KAZN: variants seen among roughly 807,000 people sequenced by gnomAD.
KAZN encodes kazrin, periplakin interacting protein.
A neutral mutation model predicts 87.4 loss-of-function variants in KAZN; 40 were observed. That is an observed-to-expected ratio of 0.46 (90% CI 0.36 to 0.60). The LOEUF (loss-of-function observed/expected upper bound fraction) is 0.60. KAZN is among the 20% of genes least tolerant of loss of function. The pLI, the probability that KAZN is intolerant of heterozygous loss-of-function variation, is 0.00. For synonymous variants in KAZN, 466 were observed against 458.3 expected (o/e 1.02, Z -0.22); for missense variants, 898 against 1,073.9 (o/e 0.84, Z 2.29).
chr1:14,241,216 A>G (rs376125653), intron 2 of KAZN, among the ~76,000 whole-genome samples: 9 of 152,300 alleles, frequency 5.9e-5, no homozygotes, highest in African/African-American at 1.7e-4. Flanking sequence ...ACAGAAAGCT[A>G]CACCTGAGAG....
chr1:15,082,135 C>T (rs1323573233), intron 8 of KAZN, among the ~76,000 whole-genome samples: 1 of 152,006 alleles, frequency 6.6e-6, no homozygotes, highest in Admixed American at 6.6e-5. Flanking sequence ...CTCAACTCTG[C>T]CTCAGTGGCA....
At chr1:14,692,046 G>A (rs1641345278) in intron 1 of KAZN, 1 of 200,196 alleles carries the variant, frequency 5.0e-6, no homozygotes, top group Admixed American at 7.1e-5. Flanking sequence ...CACAGTAGTG[G>A]TAAAAAAAAA....
chr1:14,940,218 G>A (rs995378315), intron 1 of KAZN, among the ~76,000 whole-genome samples: 6 of 152,184 alleles, frequency 3.9e-5, no homozygotes, highest in African/African-American at 1.4e-4. Context: ...AAGACAGATT[G>A]ACTCATAATG....
At chr1:14,538,831 C>T (rs543125267) in intron 2 of KAZN, among the ~76,000 whole-genome samples, 2 of 152,216 alleles carry the variant, frequency 1.3e-5, no homozygotes, top group South Asian at 4.1e-4. Flanking sequence ...GAATGATAGC[C>T]CAGATATTTA....
chr1:14,142,888 C>G (rs753711885), intron 1 of KAZN, among the ~76,000 whole-genome samples: 1 of 152,190 alleles, frequency 6.6e-6, no homozygotes, highest in Non-Finnish European at 1.5e-5. Context: ...TTTTCATGCC[C>G]TTGGTGAGAT....
chr1:14,113,054 C>G (rs947208894), intron 1 of KAZN, among the ~76,000 whole-genome samples: 2 of 152,184 alleles, frequency 1.3e-5, no homozygotes, highest in African/African-American at 4.8e-5. Context: ...AGTTTCTTCA[C>G]TTTTTCAATG....
chr1:14,714,450 C>G (rs1308925840), intron 1 of KAZN, among the ~76,000 whole-genome samples: 1 of 152,252 alleles, frequency 6.6e-6, no homozygotes, highest in Non-Finnish European at 1.5e-5. Context: ...TGCATGGCCT[C>G]CTGGTCTACC....
chr1:15,092,377 T>C (rs1640591352), intron 8 of KAZN, among the ~76,000 whole-genome samples: 1 of 152,134 alleles, frequency 6.6e-6, no homozygotes, highest in Non-Finnish European at 1.5e-5. Flanking sequence ...GCCCAGCCAG[T>C]CAGAGTTATA....
chr1:14,462,648 A>G (rs1398800575), intron 2 of KAZN, among the ~76,000 whole-genome samples: 2 of 152,182 alleles, frequency 1.3e-5, no homozygotes, highest in Non-Finnish European at 2.9e-5. Flanking sequence ...CCAATTTCAC[A>G]TGGCTGGAGA....
chr1:14,286,941 G>A (rs1328438164), intron 2 of KAZN, among the ~76,000 whole-genome samples: 1 of 152,168 alleles, frequency 6.6e-6, no homozygotes, highest in African/African-American at 2.4e-5. Context: ...TGTGTGGGGA[G>A]AGGAGCCTAT....
chr1:14,987,288 T>C (rs1666917046), intron 2 of KAZN, among the ~76,000 whole-genome samples: 1 of 151,752 alleles, frequency 6.6e-6, no homozygotes, highest in African/African-American at 2.4e-5. Flanking sequence ...AGGTCAGGAG[T>C]TCGAGACCAG....
At chr1:14,452,008 C>T (rs571067581) in intron 2 of KAZN, among the ~76,000 whole-genome samples, 22 of 152,294 alleles carry the variant, frequency 1.4e-4, no homozygotes, top group Non-Finnish European at 2.9e-4. Flanking sequence ...GGCTCCGTCC[C>T]GGCCCACTGC....
At chr1:14,055,363 A>G (rs1642503859) in intron 1 of KAZN, among the ~76,000 whole-genome samples, 1 of 152,216 alleles carries the variant, frequency 6.6e-6, no homozygotes, top group Non-Finnish European at 1.5e-5. Flanking sequence ...ATGATTTAGA[A>G]TAGACCCAGA....
At chr1:14,488,756 C>T (rs1669485001) in intron 2 of KAZN, among the ~76,000 whole-genome samples, 1 of 152,174 alleles carries the variant, frequency 6.6e-6, no homozygotes, top group African/African-American at 2.4e-5. Context: ...CTGAGAAGTG[C>T]AAGAAAGTTT....
intron 1 of KAZN, among the ~76,000 whole-genome samples, chr1:13,906,390 C>T (rs563459674): frequency 1.3e-5 from 2 of 152,230 alleles, no homozygotes; most frequent in East Asian, 1.9e-4. Context: ...GGGCGGGCTT[C>T]GTTTTCGGAG....
At chr1:14,514,617 A>ATTTTT (rs1557770547) in intron 2 of KAZN, among the ~76,000 whole-genome samples, 95 of 48,290 alleles carry the variant, frequency 2.0e-3, no homozygotes, top group African/African-American at 7.3e-3. Context: ...ATATATATAT[A>ATTTTT]TATATATATA....
chr1:14,429,462 A>G (rs771817928), intron 2 of KAZN, among the ~76,000 whole-genome samples: 2 of 152,152 alleles, frequency 1.3e-5, no homozygotes, highest in Non-Finnish European at 2.9e-5. Flanking sequence ...TATTCTCTGA[A>G]GGTTTGGCTT....
intron 2 of KAZN, among the ~76,000 whole-genome samples, chr1:15,016,597 T>C (rs924826974): frequency 2.6e-5 from 4 of 152,114 alleles, no homozygotes; most frequent in Admixed American, 6.5e-5. Flanking sequence ...TGAGAATGCA[T>C]TTGTTTTAAG....
intron 2 of KAZN, among the ~76,000 whole-genome samples, chr1:14,267,819 G>C (rs1298526403): frequency 1.3e-5 from 2 of 152,100 alleles, no homozygotes; most frequent in Non-Finnish European, 2.9e-5. Flanking sequence ...AATTAGCCAG[G>C]CATGGTGGTG....
Sources: allele counts gnomAD v4.1 joint callset (sites outside exome capture counted in the v4.1 genomes callset), GRCh38; gene constraint gnomAD v4.1.1; transcripts MANE v1.5; gene names NCBI Gene and HGNC (gene_info 2026-07-23, HGNC 2026-07-21).